C19orf47: variants seen among roughly 807,000 people sequenced by gnomAD.
The protein encoded by C19orf47 is uncharacterized protein C19orf47.
Under a neutral mutation model 32.3 loss-of-function variants are expected in C19orf47, and 18 were observed. The observed-to-expected ratio is 0.56, with a 90% confidence interval of 0.39 to 0.83. The LOEUF is 0.83. Among genes scored for constraint, C19orf47 ranks in the 40% least tolerant of loss-of-function variants. The probability of loss-of-function intolerance (pLI) is 0.00; values close to 1 mark genes in which losing one functional copy is unlikely to be tolerated. For missense variants in C19orf47, 484 were observed against 531.6 expected (o/e 0.91, Z 0.88); for synonymous variants, 202 against 211.1 (o/e 0.96, Z 0.37).
chr19:40,301,027 G>T, the C19orf47 span, among the ~76,000 whole-genome samples: 1 of 152,048 alleles, frequency 6.6e-6, no homozygotes, highest in Non-Finnish European at 1.5e-5. Context: ...GTTGAGTGTG[G>T]TGGTGCACAC....
chr19:40,311,114 C>A, the C19orf47 span, among the ~76,000 whole-genome samples: 9 of 152,158 alleles, frequency 5.9e-5, no homozygotes, highest in Admixed American at 2.6e-4. Flanking sequence ...CAGTGGCTCA[C>A]GACTGCAATC....
the C19orf47 span, among the ~76,000 whole-genome samples, chr19:40,306,087 G>C: frequency 6.8e-6 from 1 of 146,168 alleles, no homozygotes; most frequent in African/African-American, 2.6e-5. Flanking sequence ...GATGAAGGAG[G>C]TTGCAGTGAG....
At chr19:40,339,949 T>C (rs969844553) in intron 2 of C19orf47, among the ~76,000 whole-genome samples, 5 of 136,664 alleles carry the variant, frequency 3.7e-5, no homozygotes, top group Admixed American at 7.8e-5. Flanking sequence ...CATTCCAGCT[T>C]AGGCAACAAA....
rs575049160 is a variant in C19orf47, at chr19:40,337,232, A to G, written c.20-825T>C. 2.0e-5 allele frequency among the ~76,000 whole-genome samples: 3 copies of G among 152,018 alleles called. No individual in the cohort carries two copies. In the East Asian group the frequency reaches 5.8e-4, roughly 29 times the overall value. On this transcript the variant is annotated intron_variant, in intron 2 of 8. Transcript: ENST00000683109. ...CTGTGCAGACTCAATGAGAACCTCCATATAAAAGGCTTTAAATGATGCTTG... is the reference window on the plus strand; with the variant it reads ...CTGTGCAGACTCAATGAGAACCTCCGTATAAAAGGCTTTAAATGATGCTTG...
chr19:40,328,331 T>C, intron 6 of C19orf47, 82 bp downstream of exon 6: 1 of 1,563,946 alleles, frequency 6.4e-7, no homozygotes, highest in Non-Finnish European at 8.6e-7. Flanking sequence ...CACCTTACAA[T>C]ATTGGAAGCA....
upstream of C19orf47, chr19:40,348,401 C>A: frequency 1.4e-6 from 2 of 1,477,636 alleles, no homozygotes; most frequent in Non-Finnish European, 1.8e-6. Flanking sequence ...ACTCCTCCCC[C>A]GGCCCGGGCT....
intron 5 of C19orf47, among the ~76,000 whole-genome samples, chr19:40,331,483 C>T (rs146425118): frequency 3.9e-5 from 6 of 152,298 alleles, no homozygotes; most frequent in Non-Finnish European, 8.8e-5. Flanking sequence ...AATAAACACC[C>T]ATGTTTTAGC....
intron 2 of C19orf47, among the ~76,000 whole-genome samples, chr19:40,338,404 T>C (rs2145596922): frequency 6.6e-6 from 1 of 150,396 alleles, no homozygotes; most frequent in South Asian, 2.1e-4. Context: ...TATTTCTTTT[T>C]AGATGGAGTC....
intron 6 of C19orf47, among the ~76,000 whole-genome samples, chr19:40,327,162 C>A (rs1991460): frequency 0.39 from 58,392 of 150,992 alleles, 12,864 homozygotes; most frequent in South Asian, 0.61. Flanking sequence ...TACAGGCATG[C>A]GCCACCACGC....
rs1425353441 is a variant in C19orf47, at chr19:40,324,076, C to T, written c.593G>A (p.Gly198Asp). Residue 198 changes from glycine to aspartate, a missense_variant and splice_region_variant, in exon 8 of 9, where the codon GGT becomes GAT. This residue lies in a region of C19orf47 where 376 missense variants were observed against 370.2 expected (regional missense o/e 1.02). Transcript: ENST00000683109. ...KILEQQQAAK[G>D]LHRTSVFDRL... ...GTCAAACACAGACGTCCTATGGAGA[C>T]CTGGGAGGGAAGTGAAGCCATCAGG... The T allele has an allele frequency of 1.3e-5, 21 of 1,614,238 alleles. No homozygotes were observed. Among genetic ancestry groups the T allele is most frequent in the Non-Finnish European group, 1.8e-5 (21 of 1,180,032 alleles).
chr19:40,344,902 A>G (rs1000712695), intron 1 of C19orf47, among the ~76,000 whole-genome samples: 6 of 152,146 alleles, frequency 3.9e-5, no homozygotes, highest in Admixed American at 3.9e-4. Flanking sequence ...ACACAGCAAA[A>G]GGCTGGGCAC....
chr19:40,315,372 G>A (rs1452906058), downstream of C19orf47, among the ~76,000 whole-genome samples: 1 of 152,172 alleles, frequency 6.6e-6, no homozygotes, highest in Middle Eastern at 3.2e-3. Flanking sequence ...AAGGCCAGGT[G>A]TGGTGGCTCA....
At chr19:40,345,509 G>A (rs546155646) in intron 1 of C19orf47, among the ~76,000 whole-genome samples, 20 of 147,996 alleles carry the variant, frequency 1.4e-4, no homozygotes, top group African/African-American at 5.0e-4. Context: ...GGCCAGCCTG[G>A]GCAATATAGC....
the C19orf47 span, among the ~76,000 whole-genome samples, chr19:40,314,155 C>T: frequency 2.8e-4 from 43 of 152,074 alleles, no homozygotes; most frequent in Non-Finnish European, 6.0e-4. Flanking sequence ...AGGCTGGGTG[C>T]GGTGGTTCAC....
rs2078004679 is a variant in C19orf47, at chr19:40,333,840, T to C, written c.301+11A>G. 6.4e-7 allele frequency: 1 copy of C among 1,557,420 alleles called. No individual in the cohort carries two copies. Among genetic ancestry groups the C allele is most frequent in the South Asian group, 1.2e-5 (1 of 84,144 alleles). Reference sequence around the variant, plus strand: ...AATCAAGGAAAAGAGGCCTGAATAGTTAGGACTCACCACTGGTGCCACGGC... The same window carrying C: ...AATCAAGGAAAAGAGGCCTGAATAGCTAGGACTCACCACTGGTGCCACGGC... On this transcript the variant is annotated intron_variant, in intron 5 of 8. Coordinates refer to ENST00000683109, the MANE Select transcript of C19orf47 (RefSeq NM_001256441.2).
At chr19:40,340,207 A>T (rs1016661495) in intron 2 of C19orf47, among the ~76,000 whole-genome samples, 5 of 151,946 alleles carry the variant, frequency 3.3e-5, no homozygotes, top group African/African-American at 4.8e-5. Flanking sequence ...AAGTCAATAG[A>T]TCTTCCTAAA....
intron 2 of C19orf47, among the ~76,000 whole-genome samples, chr19:40,339,848 G>A (rs1190089277): frequency 1.3e-5 from 2 of 151,936 alleles, no homozygotes; most frequent in African/African-American, 2.4e-5. Flanking sequence ...GTGCATGCCT[G>A]TAATCCCAGC....
At chr19:40,341,747 C>T in intron 2 of C19orf47, 92 bp downstream of exon 2, 1 of 1,513,172 alleles carries the variant, frequency 6.6e-7, no homozygotes, top group Admixed American at 2.0e-5. Context: ...TGACCCAGTC[C>T]TCCCTCCCCC....
intron 2 of C19orf47, among the ~76,000 whole-genome samples, chr19:40,341,427 T>C (rs1041774317): frequency 2.6e-5 from 4 of 152,194 alleles, no homozygotes; most frequent in Admixed American, 6.5e-5. Context: ...CTCTGTGCCT[T>C]AGCAATCCCC....
Sources: allele counts gnomAD v4.1 joint callset (sites outside exome capture counted in the v4.1 genomes callset), GRCh38; gene constraint gnomAD v4.1.1; regional missense constraint gnomAD v4.1.1; transcripts MANE v1.5; gene names NCBI Gene and HGNC (gene_info 2026-07-23, HGNC 2026-07-21).